GMDS: variants seen among roughly 807,000 people sequenced by gnomAD.
GMDS encodes GDP-mannose 4,6-dehydratase.
A neutral mutation model predicts 49.9 loss-of-function variants in GMDS; 20 were observed. The ratio of observed to expected loss-of-function variants is 0.40; its 90% CI spans 0.28 to 0.58. The LOEUF (loss-of-function observed/expected upper bound fraction) is 0.58. Among genes scored for constraint, GMDS ranks in the 20% least tolerant of loss-of-function variants. The pLI is 0.42. For synonymous variants in GMDS, 177 were observed against 178.6 expected (o/e 0.99, Z 0.07); for missense variants, 362 against 481.4 (o/e 0.75, Z 2.32).
At chr6:1,945,267 G>A (rs964194761) in intron 6 of GMDS, among the ~76,000 whole-genome samples, 3 of 151,944 alleles carry the variant, frequency 2.0e-5, no homozygotes, top group African/African-American at 7.3e-5. Flanking sequence ...CTTTATAACT[G>A]TGGGGTTCTC....
At chr6:2,230,941 A>ACCCCCCCCCCCC (rs56658390) in intron 1 of GMDS, among the ~76,000 whole-genome samples, 2 of 18,658 alleles carry the variant, frequency 1.1e-4, no homozygotes, top group Non-Finnish European at 2.1e-4. Context: ...CCCCCCTCCC[A>ACCCCCCCCCCCC]CCCCCCCCCC....
At chr6:1,959,808 G>A in intron 6 of GMDS, 59 bp downstream of exon 6, 1 of 986,374 alleles carries the variant, frequency 1.0e-6, no homozygotes, top group African/African-American at 1.6e-5. Flanking sequence ...AAATAGACAT[G>A]CAACTTGTTG....
intron 9 of GMDS, among the ~76,000 whole-genome samples, chr6:1,703,095 T>C (rs1765599590): frequency 1.3e-5 from 2 of 152,144 alleles, no homozygotes; most frequent in Admixed American, 6.5e-5. Flanking sequence ...TTAAGCATAA[T>C]GAGGACAAGC....
intron 1 of GMDS, among the ~76,000 whole-genome samples, chr6:2,243,891 C>A (rs538027295): frequency 1.9e-4 from 21 of 108,710 alleles, no homozygotes; most frequent in Non-Finnish European, 3.2e-4. Flanking sequence ...CAGGATCTCA[C>A]TCTCTTGCCC....
chr6:2,110,294 T>C (rs1003286621), intron 4 of GMDS, among the ~76,000 whole-genome samples: 1 of 137,816 alleles, frequency 7.3e-6, no homozygotes, highest in Non-Finnish European at 1.5e-5. Flanking sequence ...GGGACGAATA[T>C]GGGGGTCAGC....
chr6:1,992,394 C>T (rs1036824835), intron 4 of GMDS, among the ~76,000 whole-genome samples: 4 of 152,164 alleles, frequency 2.6e-5, no homozygotes, highest in African/African-American at 7.2e-5. Context: ...TTCAGGCTAA[C>T]CTCAGGTCTT....
chr6:1,626,404 T>C (rs1048184363), intron 9 of GMDS, among the ~76,000 whole-genome samples: 15 of 152,196 alleles, frequency 9.9e-5, no homozygotes, highest in African/African-American at 3.6e-4. Flanking sequence ...CAATTTAACA[T>C]AGCGCTACAA....
intron 1 of GMDS, among the ~76,000 whole-genome samples, chr6:2,196,148 A>T (rs138921982): frequency 1.3e-5 from 2 of 152,310 alleles, no homozygotes; most frequent in African/African-American, 4.8e-5. Context: ...TTGTGTAAAA[A>T]ACTAGATAAA....
At chr6:2,010,423 A>G (rs1767491192) in intron 4 of GMDS, among the ~76,000 whole-genome samples, 1 of 152,154 alleles carries the variant, frequency 6.6e-6, no homozygotes, top group Non-Finnish European at 1.5e-5. Flanking sequence ...TTGCAAACAG[A>G]GTGAAAAAGA....
chr6:1,757,317 A>C (rs1414518370), intron 7 of GMDS, among the ~76,000 whole-genome samples: 2 of 152,152 alleles, frequency 1.3e-5, no homozygotes, highest in African/African-American at 2.4e-5. Context: ...TACTTCCCAG[A>C]AGTGGTTGTT....
chr6:2,130,624 A>G lies in GMDS; in HGVS notation c.103-5893T>C, dbSNP rs113999713. Among the ~76,000 whole-genome samples the G allele has an allele frequency of 5.7e-3, 863 of 152,304 alleles. 2 individuals are homozygous for G. The highest frequency in any genetic ancestry group is 0.017 in the Middle Eastern group (5 of 294). On this transcript the variant is annotated intron_variant, in intron 1 of 10. Coordinates refer to ENST00000380815, the MANE Select transcript of GMDS (RefSeq NM_001500.4). ...AGTGTAAGGCTAACCAAGTATCAGCATTTCAGAAAGAGGCCAGAGGCTTTC... is the reference window on the plus strand; with the variant it reads ...AGTGTAAGGCTAACCAAGTATCAGCGTTTCAGAAAGAGGCCAGAGGCTTTC...
intron 4 of GMDS, among the ~76,000 whole-genome samples, chr6:2,101,876 A>T (rs1335784640): frequency 6.6e-6 from 1 of 152,156 alleles, no homozygotes; most frequent in Non-Finnish European, 1.5e-5. Context: ...TACATCAGAT[A>T]AAAGAAAGGA....
At chr6:1,798,342 C>T (rs1408629604) in intron 7 of GMDS, among the ~76,000 whole-genome samples, 1 of 152,024 alleles carries the variant, frequency 6.6e-6, no homozygotes, top group Non-Finnish European at 1.5e-5. Context: ...CAACTCCACA[C>T]TGTGGTATGA....
At chr6:1,806,102 G>T (rs1770166282) in intron 7 of GMDS, among the ~76,000 whole-genome samples, 1 of 152,032 alleles carries the variant, frequency 6.6e-6, no homozygotes, top group Non-Finnish European at 1.5e-5. Flanking sequence ...AACATAGTGA[G>T]ACCCTGTCTC....
chr6:1,744,699 C>G (rs1040894186), intron 7 of GMDS, among the ~76,000 whole-genome samples: 1 of 152,212 alleles, frequency 6.6e-6, no homozygotes, highest in African/African-American at 2.4e-5. Flanking sequence ...CCTGTGTGCA[C>G]GAGCAGAGGC....
rs141029617 is a variant in GMDS at position 2,245,278 on chromosome 6, G to A, written c.102+43C>T. ...AGCGGCGCGTAGGGAGAGCACGCGT[G>A]CCCAGGCTGCCTCGGCCGGCGCGCC... On this transcript the variant is annotated intron_variant, in intron 1 of 10. Transcript: ENST00000380815. 1,434 of 1,307,012 alleles carry A rather than the reference G, an allele frequency of 1.1e-3. 1 individual carries two copies. The highest frequency in any genetic ancestry group is 1.8e-3 in the Middle Eastern group (9 of 5,112). 81.0% of individuals were successfully genotyped at this position (1,307,012 alleles called of 1,614,324 possible).
At chr6:2,053,368 G>C (rs1770565300) in intron 4 of GMDS, among the ~76,000 whole-genome samples, 1 of 151,818 alleles carries the variant, frequency 6.6e-6, no homozygotes, top group Admixed American at 6.6e-5. Context: ...AATAAATTAA[G>C]AAATAAGACA....
At chr6:1,729,579 G>C (rs1766717852) in intron 8 of GMDS, among the ~76,000 whole-genome samples, 1 of 152,212 alleles carries the variant, frequency 6.6e-6, no homozygotes, top group African/African-American at 2.4e-5. Flanking sequence ...AAAACATTCA[G>C]TTACAACAAT....
At chr6:1,917,454 G>C (rs191758890) in intron 7 of GMDS, among the ~76,000 whole-genome samples, 1 of 152,262 alleles carries the variant, frequency 6.6e-6, no homozygotes, top group African/African-American at 2.4e-5. Context: ...ATATGTGTTG[G>C]GAGAATCAAA....
Sources: allele counts gnomAD v4.1 joint callset (sites outside exome capture counted in the v4.1 genomes callset), GRCh38; gene constraint gnomAD v4.1.1; transcripts MANE v1.5; gene names NCBI Gene and HGNC (gene_info 2026-07-23, HGNC 2026-07-21).